Variants in ABTB2 observed in about 807,000 individuals in gnomAD.
ABTB2 encodes ankyrin repeat and BTB/POZ domain-containing protein 2.
Under a neutral mutation model 104.1 loss-of-function variants are expected in ABTB2, and 56 were observed. The ratio of observed to expected loss-of-function variants is 0.54; its 90% CI spans 0.43 to 0.67. The LOEUF is 0.67. ABTB2 is among the 30% of genes least tolerant of loss of function. The pLI is 0.00. For synonymous variants in ABTB2, 606 were observed against 608.2 expected (o/e 1.00, Z 0.05); for missense variants, 1,279 against 1,407.7 (o/e 0.91, Z 1.46).
At chr11:34,168,981 GC>G (rs1852836888) in intron 5 of ABTB2, among the ~76,000 whole-genome samples, 1 of 152,212 alleles carries the variant, frequency 6.6e-6, no homozygotes, top group Non-Finnish European at 1.5e-5. Flanking sequence ...ATAAATCCTT[GC>G]CTAGTGGCCA....
At chr11:34,219,678 G>A (rs1853592799) in intron 1 of ABTB2, among the ~76,000 whole-genome samples, 1 of 152,208 alleles carries the variant, frequency 6.6e-6, no homozygotes, top group Non-Finnish European at 1.5e-5. Flanking sequence ...ATTGTCTACA[G>A]CATTCAGTAC....
chr11:34,208,833 T>C (rs909844989), intron 1 of ABTB2, among the ~76,000 whole-genome samples: 5 of 151,786 alleles, frequency 3.3e-5, no homozygotes, highest in African/African-American at 4.8e-5. Flanking sequence ...ACCACCAACA[T>C]ATCTCAAAAA....
chr11:34,154,527 C>T lies in ABTB2; in HGVS notation c.2767-149G>A. 1 of 862,196 alleles carries T rather than the reference C, an allele frequency of 1.2e-6. No individual in the cohort carries two copies. The highest frequency in any genetic ancestry group is 1.8e-6 in the Non-Finnish European group (1 of 545,206). The allele number at this position is 862,196 out of a possible 1,614,324, so 53.4% of individuals were successfully genotyped here. On this transcript the variant is annotated intron_variant, in intron 15 of 16. Coordinates refer to ENST00000435224, the MANE Select transcript of ABTB2 (RefSeq NM_145804.3). The surrounding 1 kb of genome is among the most constrained non-coding windows in gnomAD (Gnocchi z 4.9). ...CTGATACTCCTGGGCCTAACCATCC[C>T]CGCTGGGACACGCACTGAGGCTGGG...
chr11:34,269,035 G>C (rs369843006), intron 1 of ABTB2, among the ~76,000 whole-genome samples: 1 of 152,222 alleles, frequency 6.6e-6, no homozygotes, highest in Non-Finnish European at 1.5e-5. Flanking sequence ...GCCCCCCACA[G>C]CCTTATCAGA....
At chr11:34,248,889 G>A (rs1218856807) in intron 1 of ABTB2, among the ~76,000 whole-genome samples, 2 of 152,162 alleles carry the variant, frequency 1.3e-5, no homozygotes, top group Non-Finnish European at 2.9e-5. Flanking sequence ...CCAGCACTTT[G>A]GGAGGCCAAG....
At position 34,241,265 on chromosome 11, in the gene ABTB2, C is replaced by T. The variant is rs76964684; in HGVS notation, c.884-36575G>A. Among the ~76,000 whole-genome samples the T allele has an allele frequency of 6.4e-3, 976 of 152,290 alleles. 14 individuals carry two copies. The highest frequency in any genetic ancestry group is 0.022 in the African/African-American group (914 of 41,552). On this transcript the variant is annotated intron_variant, in intron 1 of 16. Transcript: ENST00000435224. ...GTGTGGACTGAGTGAGTTAATATCA[C>T]TGCTCCCAAGGCCTAAACGAGGGGA... is the stretch of plus-strand genomic sequence containing the variant.
chr11:34,215,101 C>T (rs935373404), intron 1 of ABTB2, among the ~76,000 whole-genome samples: 1 of 152,174 alleles, frequency 6.6e-6, no homozygotes, highest in Non-Finnish European at 1.5e-5. Flanking sequence ...TCTGCCCTGC[C>T]GTGTACCTAC....
chr11:34,190,336 G>C (rs930645783), intron 3 of ABTB2, among the ~76,000 whole-genome samples: 13 of 148,136 alleles, frequency 8.8e-5, no homozygotes, highest in Non-Finnish European at 1.6e-4. Context: ...CACCCAGCTC[G>C]TGAGTGGCAG....
At chr11:34,164,867 G>A (rs763261485) in intron 8 of ABTB2, 46 bp from the exon 9 acceptor site, 26 of 1,563,800 alleles carry the variant, frequency 1.7e-5, no homozygotes, top group South Asian at 1.5e-4. Flanking sequence ...GACAGTAGCC[G>A]CCAGGGCAGC....
At chr11:34,197,033 G>A (rs1488154823) in intron 3 of ABTB2, among the ~76,000 whole-genome samples, 3 of 152,162 alleles carry the variant, frequency 2.0e-5, no homozygotes, top group African/African-American at 4.8e-5. Flanking sequence ...CAAGGCAGCT[G>A]AATTTCAGAG....
intron 1 of ABTB2, among the ~76,000 whole-genome samples, chr11:34,235,783 G>A (rs1169752975): frequency 6.6e-6 from 1 of 152,210 alleles, no homozygotes; most frequent in Non-Finnish European, 1.5e-5. Context: ...TCTGATCCAT[G>A]CTAGAGGCAT....
intron 1 of ABTB2, among the ~76,000 whole-genome samples, chr11:34,293,204 A>G (rs1854582912): frequency 6.6e-6 from 1 of 152,162 alleles, no homozygotes; most frequent in Non-Finnish European, 1.5e-5. Flanking sequence ...ACTATAAATC[A>G]TGCCATTTAC....
chr11:34,238,112 A>G (rs943634763), intron 1 of ABTB2, among the ~76,000 whole-genome samples: 7 of 152,176 alleles, frequency 4.6e-5, no homozygotes, highest in Non-Finnish European at 7.3e-5. Flanking sequence ...AAAGCCCTAT[A>G]TTATCTCCCA....
In ABTB2 at chr11:34,154,343, G is replaced by A. The variant is rs753105542; in HGVS notation, c.2802C>T (p.Ala934=). 5.6e-6 allele frequency: 9 copies of A among 1,613,842 alleles called. No individual in the cohort carries two copies. The highest frequency in any genetic ancestry group is 5.9e-6 in the Non-Finnish European group (7 of 1,179,958). Reference sequence around the variant, plus strand: ...ACAGGATCTCGCAGTGCCTCTGCAGGGCATCCAGCTGGAACAGGCTGGCAG... The same window carrying A: ...ACAGGATCTCGCAGTGCCTCTGCAGAGCATCCAGCTGGAACAGGCTGGCAG... ...LSAASLFQLD[A]LQRHCEILCS... is the part of the protein sequence containing the mutation. Residue 934 remains alanine, a synonymous_variant, in exon 16 of 17, where the codon GCC becomes GCT. Coordinates refer to ENST00000435224, the MANE Select transcript of ABTB2 (RefSeq NM_145804.3). The surrounding 1 kb of genome is among the most constrained non-coding windows in gnomAD (Gnocchi z 4.9).
chr11:34,210,104 G>A (rs1447836684), intron 1 of ABTB2, among the ~76,000 whole-genome samples: 1 of 152,156 alleles, frequency 6.6e-6, no homozygotes, highest in Non-Finnish European at 1.5e-5. Flanking sequence ...GCTGACGGAA[G>A]CTGGTGGACT....
intron 3 of ABTB2, among the ~76,000 whole-genome samples, chr11:34,188,551 C>A (rs1207945003): frequency 6.6e-6 from 1 of 152,170 alleles, no homozygotes; most frequent in East Asian, 1.9e-4. Flanking sequence ...GAAACAAGTA[C>A]TTAATTCACC....
chr11:34,202,629 G>C (rs1269993905), intron 2 of ABTB2, among the ~76,000 whole-genome samples: 1 of 152,016 alleles, frequency 6.6e-6, no homozygotes, highest in African/African-American at 2.4e-5. Context: ...CACTTGAGGT[G>C]AGGAGTTCGA....
At chr11:34,205,218 C>A (rs545206233) in intron 1 of ABTB2, among the ~76,000 whole-genome samples, 2 of 152,180 alleles carry the variant, frequency 1.3e-5, no homozygotes, top group Admixed American at 1.3e-4. Flanking sequence ...AGGGCAGTGC[C>A]GCCCTGAGTC....
intron 1 of ABTB2, among the ~76,000 whole-genome samples, chr11:34,292,913 G>GT (rs1382464543): frequency 1.3e-5 from 2 of 152,194 alleles, no homozygotes; most frequent in African/African-American, 4.8e-5. Flanking sequence ...TTGGTCCACT[G>GT]TGGAAGGGCC....
Sources: gnomAD v4.1 joint callset for allele counts (sites outside exome capture counted in the v4.1 genomes callset) on GRCh38, gnomAD v4.1.1 for gene constraint, Gnocchi (gnomAD v3.1) non-coding constraint, MANE v1.5 for transcripts, NCBI Gene and HGNC (gene_info 2026-07-23, HGNC 2026-07-21) for gene names.